The following NUP85 variants were observed in gnomAD, a reference collection of about 807,000 sequenced individuals.
The protein encoded by NUP85 is nucleoporin 85.
Under a neutral mutation model 92.8 loss-of-function variants are expected in NUP85, and 23 were observed. The ratio of observed to expected loss-of-function variants is 0.25; its 90% CI spans 0.18 to 0.35. NUP85 has a LOEUF of 0.35. Among genes scored for constraint, NUP85 ranks in the 10% least tolerant of loss-of-function variants. NUP85 has a pLI of 1.00. For synonymous variants in NUP85, 314 were observed against 306.9 expected, an observed-to-expected ratio of 1.02 and a Z score of -0.24; for missense variants, 759 against 822.8, an observed-to-expected ratio of 0.92 and a Z score of 0.95.
chr17:75,217,810 T>A (rs986606960), intron 6 of NUP85, among the ~76,000 whole-genome samples: 1 of 152,200 alleles, frequency 6.6e-6, no homozygotes, highest in African/African-American at 2.4e-5. Flanking sequence ...CCCCTGGCCC[T>A]ATGTTTTTAT....
chr17:75,209,974 C>T lies in NUP85; in HGVS notation c.279C>T (p.Ser93=), dbSNP rs776728843. ...QRIDEELTGK[S]RKSQLVRVSK... is the part of the protein sequence containing the mutation. ...TTGACGAAGAGTTGACTGGAAAATC[C>T]AGAAAATCTCAGTAAGTTGGTTGCT... Residue 93 remains serine, a synonymous_variant, in exon 3 of 19, where the codon TCC becomes TCT. Coordinates refer to ENST00000245544, the MANE Select transcript of NUP85 (RefSeq NM_024844.5). 27 of 1,586,840 alleles carry T rather than the reference C, an allele frequency of 1.7e-5. No individual in the cohort carries two copies. In the South Asian group the frequency reaches 2.7e-4, roughly 16 times the overall value.
Position 75,235,121 on chromosome 17 carries a change from A to G in NUP85, c.1789A>G (p.Thr597Ala). Residue 597 changes from threonine to alanine, a missense_variant, in exon 18 of 19, where the codon ACT becomes GCT. Transcript: ENST00000245544. The part of the protein sequence containing the change: ...QKQVIFSAEQ[T>A]YELMRCLEDL... The stretch of plus-strand genomic sequence containing the variant: ...CTAGGTGATTTTCTCAGCAGAACAG[A>G]CTTATGAGTTGATGCGGTGTCTGGA... The G allele has an allele frequency of 6.2e-7, 1 of 1,614,082 alleles. No homozygotes were observed. Among genetic ancestry groups the G allele is most frequent in the Non-Finnish European group, 8.5e-7 (1 of 1,179,974 alleles).
chr17:75,205,940 G>A, intron 1 of NUP85, 146 bp downstream of exon 1: 1 of 930,502 alleles, frequency 1.1e-6, no homozygotes, highest in Non-Finnish European at 1.7e-6. Context: ...GGAGGTCGCA[G>A]TGTTAACGAG....
chr17:75,235,066 G>T, intron 17 of NUP85, 34 bp from the exon 18 acceptor site: 1 of 1,554,922 alleles, frequency 6.4e-7, no homozygotes. Context: ...GCCAGGGCTG[G>T]GGGCAGCCAA....
rs749005445 is a variant in NUP85, at chr17:75,215,778, C to T, written c.430C>T (p.Leu144Phe). The part of the protein sequence containing the change: ...SQVSILSAME[L>F]IWNLCEILFI... ...GGTCTCCATTTTGTCAGCAATGGAG[C>T]TCATCTGGAACCTGTGTGAGATTCT... The change falls in exon 6 of 19, where the codon CTC becomes TTC. Residue 144 changes from leucine to phenylalanine, a missense_variant. By Grantham distance (22) the Leu-to-Phe change is conservative. Transcript: ENST00000245544. 6.2e-7 allele frequency: 1 copy of T among 1,613,940 alleles called. No individual in the cohort carries two copies. The highest frequency in any genetic ancestry group is 8.5e-7 in the Non-Finnish European group (1 of 1,179,912).
intron 7 of NUP85, among the ~76,000 whole-genome samples, chr17:75,218,638 C>T (rs1288757135): frequency 8.6e-6 from 1 of 115,826 alleles, no homozygotes; most frequent in African/African-American, 3.3e-5. Flanking sequence ...TGCGGTGGCT[C>T]ATGCCTGTAA....
At chr17:75,229,641 G>GGCCCT (rs2075964919) in intron 11 of NUP85, among the ~76,000 whole-genome samples, 1 of 152,132 alleles carries the variant, frequency 6.6e-6, no homozygotes, top group Non-Finnish European at 1.5e-5. Flanking sequence ...AGGCCTGCTG[G>GGCCCT]GCCCTGTAGA....
rs57026156 is a variant in NUP85, at chr17:75,232,997, G to A, written c.1514+29G>A. Reference sequence around the variant, plus strand: ...GGTGCCGCTAGTGTTGGCTTCCCAGGGACTGGGTGGTTGAGGTGGGCCTGA... The same window carrying A: ...GGTGCCGCTAGTGTTGGCTTCCCAGAGACTGGGTGGTTGAGGTGGGCCTGA... On this transcript the variant is annotated intron_variant, in intron 15 of 18. Coordinates refer to ENST00000245544, the MANE Select transcript of NUP85 (RefSeq NM_024844.5). 8.5e-3 allele frequency: 13,695 copies of A among 1,612,380 alleles called. 922 individuals carry two copies. In the African/African-American group the frequency reaches 0.15, roughly 18 times the overall value.
At chr17:75,225,047 C>T (rs551766956) in intron 7 of NUP85, 56 bp from the exon 8 acceptor site, 230 of 1,501,078 alleles carry the variant, frequency 1.5e-4, no homozygotes, top group Middle Eastern at 6.5e-4. Context: ...GGCCTCCTCA[C>T]GCCTCGGCAG....
intron 17 of NUP85, 49 bp from the exon 18 acceptor site, chr17:75,235,045 AACCAAT>A: frequency 7.0e-7 from 1 of 1,434,042 alleles, no homozygotes; most frequent in East Asian, 2.3e-5. Context: ...CCCCTGCCCC[AACCAAT>A]GCAGGCCAGG....
rs376515917 is a variant in NUP85 at position 75,231,802 on chromosome 17, T to C, written c.1245-26T>C. ...CTCGGAGCCATGAGGCAGCACCTCA[T>C]GTCTGTCCTCCTCGAACCTTTGCAG... On this transcript the variant is annotated intron_variant, in intron 13 of 18. Coordinates refer to ENST00000245544, the MANE Select transcript of NUP85 (RefSeq NM_024844.5). This position sits in a 1 kb window ranked among gnomAD's most constrained non-coding sequence, Gnocchi z 4.6. 4.3e-5 allele frequency: 69 copies of C among 1,613,608 alleles called. No homozygotes were observed. Among genetic ancestry groups the C allele is most frequent in the South Asian group, 2.3e-4 (21 of 91,010 alleles).
At chr17:75,212,150 T>G in intron 4 of NUP85, 88 bp downstream of exon 4, 2 of 853,932 alleles carry the variant, frequency 2.3e-6, no homozygotes, top group Non-Finnish European at 3.6e-6. Context: ...TACTGTGAGG[T>G]AAAGTTTGAT....
intron 11 of NUP85, chr17:75,228,335 C>G: frequency 2.0e-6 from 2 of 985,390 alleles, no homozygotes; most frequent in African/African-American, 3.5e-5. Flanking sequence ...TTGCAGTCCC[C>G]CAGTCTCAGC....
chr17:75,207,020 T>G (rs950015391), intron 1 of NUP85, among the ~76,000 whole-genome samples: 1 of 151,940 alleles, frequency 6.6e-6, no homozygotes, highest in Non-Finnish European at 1.5e-5. Context: ...TTCTGGTCTT[T>G]TACTTGTGAA....
chr17:75,228,795 A>G (rs969262423), intron 11 of NUP85: 3 of 985,228 alleles, frequency 3.0e-6, no homozygotes, highest in East Asian at 2.3e-4. Flanking sequence ...ATTTACTCCT[A>G]TGTCAATAAT....
rs1255233565 is a variant in NUP85, at chr17:75,213,093, G to A, written c.379G>A (p.Ala127Thr). Residue 127 changes from alanine to threonine, a missense_variant, in exon 5 of 19, where the codon GCC becomes ACC. Transcript: ENST00000245544. Reference sequence around the variant, plus strand: ...TTTGTTAGTTGCTGCTAAAGATCCAGCCAATGGCCGCCAGTTCAGCAGCCA... The same window carrying A: ...TTTGTTAGTTGCTGCTAAAGATCCAACCAATGGCCGCCAGTTCAGCAGCCA... ...HQVAIAAKDP[A>T]NGRQFSSQVS... 3 of 1,613,480 alleles carry A rather than the reference G, an allele frequency of 1.9e-6. No homozygotes were observed. The highest frequency in any genetic ancestry group is 8.5e-7 in the Non-Finnish European group (1 of 1,179,782).
chr17:75,230,362 G>GTTTT (rs776931400), intron 11 of NUP85, among the ~76,000 whole-genome samples: 9 of 73,630 alleles, frequency 1.2e-4, no homozygotes, highest in Non-Finnish European at 1.5e-4. Flanking sequence ...CATGTTTTTT[G>GTTTT]TTTTTTTTTT....
At chr17:75,224,637 G>T (rs1337043289) in intron 7 of NUP85, among the ~76,000 whole-genome samples, 1 of 152,038 alleles carries the variant, frequency 6.6e-6, no homozygotes, top group Non-Finnish European at 1.5e-5. Context: ...TTCGAGACCA[G>T]CCTGGCCAAT....
At chr17:75,213,619 T>C (rs917266083) in intron 5 of NUP85, among the ~76,000 whole-genome samples, 2 of 152,048 alleles carry the variant, frequency 1.3e-5, no homozygotes, top group Non-Finnish European at 2.9e-5. Context: ...ATGGAACATA[T>C]ATGTCCTGAC....
Sources: allele counts gnomAD v4.1 joint callset (sites outside exome capture counted in the v4.1 genomes callset), GRCh38; gene constraint gnomAD v4.1.1; non-coding constraint Gnocchi (gnomAD v3.1); transcripts MANE v1.5; gene names NCBI Gene and HGNC (gene_info 2026-07-23, HGNC 2026-07-21).